HMCN1: variants seen among roughly 807,000 people sequenced by gnomAD.
HMCN1 encodes hemicentin 1.
Under a neutral mutation model 625.9 loss-of-function variants are expected in HMCN1, and 321 were observed. The ratio of observed to expected loss-of-function variants is 0.51; its 90% CI spans 0.47 to 0.56. The LOEUF is 0.56. HMCN1 is among the 20% of genes least tolerant of loss of function. The pLI is 0.00. For missense variants in HMCN1, 6,588 were observed against 6,887.3 expected (o/e 0.96, Z 1.54); for synonymous variants, 2,425 against 2,417.6 (o/e 1.00, Z -0.09).
chr1:185,847,004 G>A (rs918154112), intron 2 of HMCN1, among the ~76,000 whole-genome samples: 11 of 152,100 alleles, frequency 7.2e-5, no homozygotes, highest in Admixed American at 6.5e-4. Context: ...TGCACTGAGC[G>A]GGTTGGTGCA....
At chr1:185,986,518 G>A (rs947210041) in intron 19 of HMCN1, among the ~76,000 whole-genome samples, 1 of 152,062 alleles carries the variant, frequency 6.6e-6, no homozygotes, top group Non-Finnish European at 1.5e-5. Flanking sequence ...TGAGAACATC[G>A]AGTATTGATG....
chr1:186,141,139 A>G (rs1302862564), intron 89 of HMCN1, among the ~76,000 whole-genome samples: 2 of 152,144 alleles, frequency 1.3e-5, no homozygotes, highest in Non-Finnish European at 2.9e-5. Context: ...ACAGTTCACA[A>G]TAGGGTTCGC....
At chr1:185,829,853 A>C (rs1272009872) in intron 1 of HMCN1, among the ~76,000 whole-genome samples, 1 of 151,900 alleles carries the variant, frequency 6.6e-6, no homozygotes, top group Non-Finnish European at 1.5e-5. Context: ...GTGATTGAAC[A>C]CTCCCACCAA....
At chr1:186,049,346 T>C (rs1028137185) in intron 42 of HMCN1, among the ~76,000 whole-genome samples, 1 of 151,980 alleles carries the variant, frequency 6.6e-6, no homozygotes, top group African/African-American at 2.4e-5. Flanking sequence ...ACAACTTGAG[T>C]CTCAGCTGTG....
At position 186,182,193 on chromosome 1, in the gene HMCN1, T is replaced by C; in HGVS notation, c.16320T>C (p.Asp5440=). The change falls in exon 105 of 107, where the codon GAT becomes GAC. Residue 5440 remains aspartate, a synonymous_variant. Transcript: ENST00000271588. ...ATATTGATGAATGTGAAAATACAGA[T>C]GCCTGCCAGCATGAGTGTAAGAATA... ...CVDIDECENT[D]ACQHECKNTF... is the part of the protein sequence containing the mutation. The C allele has an allele frequency of 6.2e-7, 1 of 1,613,412 alleles. No homozygotes were observed. Among genetic ancestry groups the C allele is most frequent in the South Asian group, 1.1e-5 (1 of 91,068 alleles).
intron 1 of HMCN1, among the ~76,000 whole-genome samples, chr1:185,786,642 A>AAAT (rs1657589701): frequency 6.6e-6 from 1 of 152,226 alleles, no homozygotes; most frequent in African/African-American, 2.4e-5. Context: ...AAATGTATTT[A>AAAT]ACCACAAATT....
intron 4 of HMCN1, among the ~76,000 whole-genome samples, chr1:185,877,351 T>A (rs1415230587): frequency 8.7e-6 from 1 of 114,728 alleles, no homozygotes; most frequent in South Asian, 3.2e-4. Context: ...TTTTTTTTTT[T>A]ACCAGTACCA....
chr1:185,905,973 T>C (rs1216237818), intron 4 of HMCN1, among the ~76,000 whole-genome samples: 2 of 151,870 alleles, frequency 1.3e-5, no homozygotes, highest in Non-Finnish European at 1.5e-5. Flanking sequence ...ATGTACTATA[T>C]AAACAGTTAT....
Position 185,980,514 on chromosome 1 carries a change from G to T in HMCN1, c.2567-464G>T, listed in dbSNP as rs894660030. Among the ~76,000 whole-genome samples, 6 of 152,240 alleles carry T rather than the reference G, an allele frequency of 3.9e-5. No homozygotes were observed. In the Middle Eastern group the frequency reaches 0.017, roughly 432 times the overall value. On this transcript the variant is annotated intron_variant, in intron 16 of 106. Transcript: ENST00000271588. ...ATCTGGCCCATGTTTCACCTCTCTA[G>T]TTTTTACCCACTGAATGCCAGCAGA... is the stretch of plus-strand genomic sequence containing the variant.
At chr1:186,098,439 G>A (rs1036107356) in intron 68 of HMCN1, among the ~76,000 whole-genome samples, 3 of 151,966 alleles carry the variant, frequency 2.0e-5, no homozygotes, top group Non-Finnish European at 4.4e-5. Context: ...TATGAAAAAA[G>A]CCTCAACATT....
intron 36 of HMCN1, among the ~76,000 whole-genome samples, chr1:186,027,211 G>T (rs1294494901): frequency 6.6e-6 from 1 of 152,124 alleles, no homozygotes; most frequent in Non-Finnish European, 1.5e-5. Flanking sequence ...GGTTTTCCAG[G>T]GTGGGGAGTT....
intron 97 of HMCN1, among the ~76,000 whole-genome samples, chr1:186,162,084 G>A (rs114733149): frequency 0.064 from 9,775 of 152,048 alleles, 751 homozygotes; most frequent in African/African-American, 0.19. Flanking sequence ...GTCTTTACAC[G>A]TAGTCCCATA....
At position 185,812,204 on chromosome 1, in the gene HMCN1, G is replaced by A. The variant is rs1235547090; in HGVS notation, c.269-33822G>A. On this transcript the variant is annotated intron_variant, in intron 1 of 106. Coordinates refer to ENST00000271588, the MANE Select transcript of HMCN1 (RefSeq NM_031935.3). ...AAAAGGGAAGCAGATTGCTTCTGTG[G>A]CCTGTCTAGGTTATTTGACTGATTT... Among the ~76,000 whole-genome samples the A allele has an allele frequency of 3.9e-5, 6 of 152,036 alleles. No homozygotes were observed. In the East Asian group the frequency reaches 9.7e-4, roughly 24 times the overall value.
rs151231860 is a variant in HMCN1, at chr1:186,099,459, C to T, written c.10573+3938C>T. On this transcript the variant is annotated intron_variant, in intron 68 of 106. Coordinates refer to ENST00000271588, the MANE Select transcript of HMCN1 (RefSeq NM_031935.3). The stretch of plus-strand genomic sequence containing the variant: ...TATCAAGTATTAATTATTGAATATA[C>T]GTTATATGACAGGTATGTTTCTAGC... Among the ~76,000 whole-genome samples the T allele has an allele frequency of 4.8e-3, 724 of 152,082 alleles. 8 individuals carry two copies. The highest frequency in any genetic ancestry group is 0.016 in the African/African-American group (682 of 41,506).
chr1:186,141,664 T>A (rs1649971190), intron 89 of HMCN1, among the ~76,000 whole-genome samples: 1 of 152,226 alleles, frequency 6.6e-6, no homozygotes, highest in South Asian at 2.1e-4. Context: ...AGCTCCTAGC[T>A]TACACTTATG....
chr1:185,830,953 A>G (rs907684535), intron 1 of HMCN1, among the ~76,000 whole-genome samples: 4 of 152,298 alleles, frequency 2.6e-5, no homozygotes, highest in African/African-American at 4.8e-5. Context: ...TGCCCCCACT[A>G]TCATCAAAAG....
intron 29 of HMCN1, among the ~76,000 whole-genome samples, chr1:186,004,930 A>G (rs940265617): frequency 6.6e-6 from 1 of 152,168 alleles, no homozygotes; most frequent in Non-Finnish European, 1.5e-5. Flanking sequence ...CCAATTAAAA[A>G]GAATAAGATC....
At chr1:185,988,014 G>T (rs1346308842) in intron 20 of HMCN1, among the ~76,000 whole-genome samples, 1 of 152,190 alleles carries the variant, frequency 6.6e-6, no homozygotes, top group Non-Finnish European at 1.5e-5. Context: ...AAAGTGCTTA[G>T]AAAAGTTCCC....
intron 69 of HMCN1, among the ~76,000 whole-genome samples, chr1:186,105,524 T>C (rs2102449563): frequency 1.3e-5 from 2 of 152,344 alleles, no homozygotes; most frequent in Middle Eastern, 6.8e-3. Context: ...GTTCTGTAAT[T>C]TATCCCAAGA....
Sources: gnomAD v4.1 joint callset for allele counts (sites outside exome capture counted in the v4.1 genomes callset) on GRCh38, gnomAD v4.1.1 for gene constraint, MANE v1.5 for transcripts, NCBI Gene and HGNC (gene_info 2026-07-23, HGNC 2026-07-21) for gene names.